Variants in NBAS observed in about 807,000 individuals in gnomAD.
NBAS encodes NAG/BC035112 fusion.
NBAS carries 219 observed loss-of-function variants against 302.5 expected under a neutral mutation model. The ratio of observed to expected loss-of-function variants is 0.72; its 90% CI spans 0.65 to 0.81. The LOEUF is 0.81. NBAS is among the 30% of genes least tolerant of loss of function. The pLI is 0.00. For missense variants in NBAS, 2,932 were observed against 2,841.6 expected (o/e 1.03, Z -0.72); for synonymous variants, 1,118 against 1,021.6 (o/e 1.09, Z -1.80).
chr2:15,111,738 G>A, the NBAS span, among the ~76,000 whole-genome samples: 29 of 151,672 alleles, frequency 1.9e-4, no homozygotes, highest in African/African-American at 6.3e-4. Flanking sequence ...AAAAAATGAG[G>A]CCTAGATAAA....
intron 1 of NBAS, among the ~76,000 whole-genome samples, chr2:15,560,569 A>G (rs954014475): frequency 1.3e-5 from 2 of 152,254 alleles, no homozygotes; most frequent in South Asian, 4.2e-4. Context: ...AGCACCTAGC[A>G]CAGCACCTGT....
At chr2:15,500,005 T>C (rs1661431413) in intron 11 of NBAS, among the ~76,000 whole-genome samples, 2 of 152,156 alleles carry the variant, frequency 1.3e-5, no homozygotes, top group African/African-American at 4.8e-5. Context: ...AAAATACTAT[T>C]AAATCCTTCT....
chr2:15,205,018 T>TA (rs947488598), intron 48 of NBAS, among the ~76,000 whole-genome samples: 6 of 151,420 alleles, frequency 4.0e-5, no homozygotes, highest in Non-Finnish European at 7.4e-5. Flanking sequence ...TAATAAAAAA[T>TA]AAAAAAATTA....
At chr2:14,971,560 T>A in the NBAS span, among the ~76,000 whole-genome samples, 1 of 152,144 alleles carries the variant, frequency 6.6e-6, no homozygotes, top group Non-Finnish European at 1.5e-5. Flanking sequence ...AGAGCCATTA[T>A]TTTCTTAAAT....
the NBAS span, among the ~76,000 whole-genome samples, chr2:14,826,031 G>A: frequency 6.6e-6 from 1 of 152,206 alleles, no homozygotes; most frequent in African/African-American, 2.4e-5. Context: ...TAGTACCCAT[G>A]AGACCATAAG....
chr2:15,507,191 AAC>A (rs1661899049), intron 10 of NBAS, among the ~76,000 whole-genome samples: 1 of 152,216 alleles, frequency 6.6e-6, no homozygotes, highest in African/African-American at 2.4e-5. Context: ...CTAGTGGACA[AAC>A]ACAGGGCTTG....
the NBAS span, among the ~76,000 whole-genome samples, chr2:14,951,693 C>A: frequency 1.0e-3 from 154 of 152,294 alleles, no homozygotes; most frequent in Non-Finnish European, 1.7e-3. Flanking sequence ...ACTTTAGACA[C>A]TATAGTTAGT....
the NBAS span, among the ~76,000 whole-genome samples, chr2:15,121,434 G>T: frequency 6.6e-6 from 1 of 152,104 alleles, no homozygotes; most frequent in Non-Finnish European, 1.5e-5. Flanking sequence ...ATAATGGGTA[G>T]CAAAGACCAA....
At chr2:15,341,157 G>T (rs907465316) in intron 35 of NBAS, among the ~76,000 whole-genome samples, 1 of 152,056 alleles carries the variant, frequency 6.6e-6, no homozygotes, top group Admixed American at 6.6e-5. Context: ...AGGCCGAAGT[G>T]GGCAGATCAC....
chr2:15,535,045 T>C (rs1442940774), intron 8 of NBAS, among the ~76,000 whole-genome samples: 1 of 152,162 alleles, frequency 6.6e-6, no homozygotes, highest in Non-Finnish European at 1.5e-5. Context: ...ATACTAATTG[T>C]AAGTAAAAAG....
chr2:15,158,401 C>T, the NBAS span, among the ~76,000 whole-genome samples: 66 of 152,306 alleles, frequency 4.3e-4, no homozygotes, highest in African/African-American at 1.3e-3. Flanking sequence ...GACACAAAGG[C>T]CCCTGCCTGG....
chr2:14,809,739 A>C, the NBAS span, among the ~76,000 whole-genome samples: 314 of 152,288 alleles, frequency 2.1e-3, no homozygotes, highest in Non-Finnish European at 3.1e-3. Flanking sequence ...AGACCCCCAA[A>C]TGGTAGACTC....
chr2:14,794,047 G>C, the NBAS span, among the ~76,000 whole-genome samples: 1 of 152,100 alleles, frequency 6.6e-6, no homozygotes, highest in Admixed American at 6.6e-5. Context: ...CTTAAAGACT[G>C]CCTAAAAAAA....
chr2:15,161,091 G>A, the NBAS span, among the ~76,000 whole-genome samples: 1 of 152,162 alleles, frequency 6.6e-6, no homozygotes, highest in Non-Finnish European at 1.5e-5. Context: ...GTGGAGTTGA[G>A]CAAAAGTTGG....
chr2:15,520,234 G>A (rs1662598862), intron 9 of NBAS, among the ~76,000 whole-genome samples: 1 of 152,004 alleles, frequency 6.6e-6, no homozygotes, highest in African/African-American at 2.4e-5. Flanking sequence ...AGACCCCATC[G>A]CTTCAAAAAA....
chr2:15,125,163 A>G, the NBAS span, among the ~76,000 whole-genome samples: 1 of 152,164 alleles, frequency 6.6e-6, no homozygotes, highest in African/African-American at 2.4e-5. Context: ...TTGGGAGCCC[A>G]CCTGTATTAG....
the NBAS span, among the ~76,000 whole-genome samples, chr2:15,060,996 A>T: frequency 7.1e-6 from 1 of 141,464 alleles, no homozygotes; most frequent in Admixed American, 8.1e-5. Flanking sequence ...AACACGTGTA[A>T]AAAAAATTAC....
chr2:15,288,378 T>G (rs1670153963), intron 41 of NBAS, among the ~76,000 whole-genome samples: 1 of 152,032 alleles, frequency 6.6e-6, no homozygotes, highest in African/African-American at 2.4e-5. Flanking sequence ...CATTGTGAAC[T>G]GCAAGTAGGA....
chr2:14,887,500 A>G, the NBAS span, among the ~76,000 whole-genome samples: 4 of 151,896 alleles, frequency 2.6e-5, no homozygotes, highest in Non-Finnish European at 5.9e-5. Context: ...GAGGGCTCCA[A>G]TGCAGAGGAC....
Sources: gnomAD v4.1 joint callset for allele counts (sites outside exome capture counted in the v4.1 genomes callset) on GRCh38, gnomAD v4.1.1 for gene constraint, MANE v1.5 for transcripts, NCBI Gene and HGNC (gene_info 2026-07-23, HGNC 2026-07-21) for gene names.